FHL2: variants seen among roughly 807,000 people sequenced by gnomAD.
The protein encoded by FHL2 is four and a half LIM domains protein 2.
FHL2 carries 20 observed loss-of-function variants against 32.7 expected under a neutral mutation model. That is an observed-to-expected ratio of 0.61 (90% CI 0.43 to 0.89). The LOEUF is 0.89. Among genes scored for constraint, FHL2 ranks in the 40% least tolerant of loss-of-function variants. The pLI is 0.00. For missense variants in FHL2, 311 were observed against 358.6 expected (o/e 0.87, Z 1.07); for synonymous variants, 123 against 128.1 (o/e 0.96, Z 0.27).
intron 6 of FHL2, among the ~76,000 whole-genome samples, chr2:105,361,996 C>T (rs925609492): frequency 7.9e-5 from 12 of 152,124 alleles, no homozygotes; most frequent in Non-Finnish European, 4.4e-5. Context: ...TACATTGGTC[C>T]GTGATTATAA....
chr2:105,365,679 A>G (rs1680581188), intron 5 of FHL2, among the ~76,000 whole-genome samples: 2 of 151,718 alleles, frequency 1.3e-5, no homozygotes, highest in African/African-American at 4.8e-5. Flanking sequence ...TACTACAAAA[A>G]AAAAAAAAAA....
At chr2:105,364,868 C>A (rs1438012967) in intron 5 of FHL2, among the ~76,000 whole-genome samples, 2 of 152,160 alleles carry the variant, frequency 1.3e-5, no homozygotes, top group African/African-American at 4.8e-5. Flanking sequence ...AATGACGAAG[C>A]AGGAACTAGA....
At chr2:105,397,641 A>T (rs981512984) in intron 1 of FHL2, among the ~76,000 whole-genome samples, 4 of 152,206 alleles carry the variant, frequency 2.6e-5, no homozygotes, top group African/African-American at 9.6e-5. Flanking sequence ...CTTCATCGAC[A>T]TGTTATGGTG....
rs1192018449 is a variant in FHL2 at position 105,396,684 on chromosome 2, A to G, written c.-62T>C. ...ATGCCAGCCTAGTCTCCAGGAAGACACAGTTCTCAGCCACTAGAGAAAGCA... is the reference window on the plus strand; with the variant it reads ...ATGCCAGCCTAGTCTCCAGGAAGACGCAGTTCTCAGCCACTAGAGAAAGCA... On this transcript the variant is annotated 5_prime_UTR_variant, in exon 2 of 7. Transcript: ENST00000530340. The G allele has an allele frequency of 6.2e-7, 1 of 1,612,896 alleles. No homozygotes were observed. Among genetic ancestry groups the G allele is most frequent in the South Asian group, 1.1e-5 (1 of 91,066 alleles).
Position 105,373,633 on chromosome 2 carries a change from T to C in FHL2, c.257A>G (p.Gln86Arg). 1 of 1,614,232 alleles carries C rather than the reference T, an allele frequency of 6.2e-7. No individual in the cohort carries two copies. The highest frequency in any genetic ancestry group is 8.5e-7 in the Non-Finnish European group (1 of 1,180,034). Reference protein sequence around the residue: ...VDKPFAAKEDQLLCTDCYSNE... With the variant: ...VDKPFAAKEDRLLCTDCYSNE... ...GGAATAGCAGTCTGTACAGAGCAGC[T>C]GGTCCTCCTTGGCAGCAAAGGGCTT... The change falls in exon 4 of 7, where the codon CAG becomes CGG. Residue 86 changes from glutamine (Q) to arginine (R), a missense_variant. By Grantham distance (43) the Gln-to-Arg change is conservative. Transcript: ENST00000530340.
At chr2:105,402,928 G>C (rs1683519224), upstream of FHL2, among the ~76,000 whole-genome samples, 1 of 152,240 alleles carries the variant, frequency 6.6e-6, no homozygotes, top group Non-Finnish European at 1.5e-5. Context: ...GCGTAATGCT[G>C]TCTATGGCAG....
intron 1 of FHL2, among the ~76,000 whole-genome samples, chr2:105,425,182 C>A (rs1684221777): frequency 6.6e-6 from 1 of 152,216 alleles, no homozygotes; most frequent in Middle Eastern, 3.4e-3. Flanking sequence ...GCCTCAGCCA[C>A]TTTGACCCAA....
At chr2:105,393,529 C>T (rs1042476533) in intron 2 of FHL2, among the ~76,000 whole-genome samples, 6 of 152,274 alleles carry the variant, frequency 3.9e-5, no homozygotes, top group South Asian at 2.1e-4. Flanking sequence ...GCAATTGCCC[C>T]GTCTTCTACC....
intron 4 of FHL2, among the ~76,000 whole-genome samples, chr2:105,371,713 G>A (rs1681087027): frequency 6.6e-6 from 1 of 152,214 alleles, no homozygotes; most frequent in African/African-American, 2.4e-5. Context: ...CATGGTTGGT[G>A]CTAACAGTTA....
rs1681264291 is a variant in FHL2, at chr2:105,373,738, G to A, written c.157-5C>T. On this transcript the variant is annotated splice_region_variant and splice_polypyrimidine_tract_variant and intron_variant, in intron 3 of 6. Coordinates refer to ENST00000530340, the MANE Select transcript of FHL2 (RefSeq NM_001318895.3). ...CCGGTCCTTGTAAGACAAGTCCTGT[G>A]GGGCCAGACCACACAAGACAGTCAG... is the stretch of plus-strand genomic sequence containing the variant. The A allele has an allele frequency of 6.2e-7, 1 of 1,613,594 alleles. No homozygotes were observed. The highest frequency in any genetic ancestry group is 8.5e-7 in the Non-Finnish European group (1 of 1,180,010).
Position 105,361,446 on chromosome 2 carries a change from G to A in FHL2, c.689-12C>T. ...TGTGCCACCAAGTCCTGTTAACAGAGAGAAAATAATACCGGATGAAGAAAG... is the reference window on the plus strand; with the variant it reads ...TGTGCCACCAAGTCCTGTTAACAGAAAGAAAATAATACCGGATGAAGAAAG... On this transcript the variant is annotated splice_polypyrimidine_tract_variant and intron_variant, in intron 6 of 6. Transcript: ENST00000530340. 6.2e-7 allele frequency: 1 copy of A among 1,608,318 alleles called. No homozygotes were observed. Among genetic ancestry groups the A allele is most frequent in the Non-Finnish European group, 8.5e-7 (1 of 1,176,986 alleles).
upstream of FHL2, among the ~76,000 whole-genome samples, chr2:105,401,963 T>C (rs1683477770): frequency 6.6e-6 from 1 of 151,752 alleles, no homozygotes; most frequent in Admixed American, 6.6e-5. Context: ...TTGAGCTATG[T>C]TAATGTACTC....
At chr2:105,406,832 C>T (rs1683645798) in intron 1 of FHL2, among the ~76,000 whole-genome samples, 1 of 152,190 alleles carries the variant, frequency 6.6e-6, no homozygotes, top group South Asian at 2.1e-4. Context: ...AGCCTTTCAT[C>T]CTGTGACTGC....
chr2:105,417,387 G>GA (rs1015725262), intron 1 of FHL2, among the ~76,000 whole-genome samples: 75 of 126,976 alleles, frequency 5.9e-4, no homozygotes, highest in East Asian at 1.2e-3. Context: ...TCTCAAAAAA[G>GA]AAAAAAAAAA....
Position 105,407,464 on chromosome 2 carries a change from T to G in FHL2, c.-24-20924A>C, listed in dbSNP as rs545964770. ...ATAAGGCTGCTATATAATGGCTCTA[T>G]ATGACCCTGCTCAGAACAAACACAT... On this transcript the variant is annotated intron_variant, in intron 1 of 5. Coordinates refer to the FHL2 transcript ENST00000393352. Among the ~76,000 whole-genome samples, 7 of 151,140 alleles carry G rather than the reference T, an allele frequency of 4.6e-5. No homozygotes were observed. In the East Asian group the frequency reaches 1.4e-3, roughly 29 times the overall value.
At chr2:105,425,782 C>T (rs1161923602) in intron 1 of FHL2, among the ~76,000 whole-genome samples, 1 of 152,076 alleles carries the variant, frequency 6.6e-6, no homozygotes, top group Non-Finnish European at 1.5e-5. Context: ...GACATAGATT[C>T]TTTTGCTCAC....
rs1463841144 is a variant in FHL2, at chr2:105,367,557, G to T, written c.501+13C>A. 1.2e-6 allele frequency: 2 copies of T among 1,605,612 alleles called. No individual in the cohort carries two copies. The highest frequency in any genetic ancestry group is 1.7e-6 in the Non-Finnish European group (2 of 1,174,578). On this transcript the variant is annotated intron_variant, in intron 5 of 6. Transcript: ENST00000530340. Reference sequence around the variant, plus strand: ...GCCAGAACGTGCAAGGGCCAAGGGGGCATCTGAGATACCTTTTTGCACTGA... The same window carrying T: ...GCCAGAACGTGCAAGGGCCAAGGGGTCATCTGAGATACCTTTTTGCACTGA...
At chr2:105,436,987 T>G (rs933825378) in intron 1 of FHL2, among the ~76,000 whole-genome samples, 9 of 152,092 alleles carry the variant, frequency 5.9e-5, no homozygotes, top group Non-Finnish European at 1.2e-4. Context: ...GTGCTTTAGG[T>G]CATGGGAATG....
At chr2:105,408,325 C>G (rs1275965645) in intron 1 of FHL2, among the ~76,000 whole-genome samples, 1 of 152,228 alleles carries the variant, frequency 6.6e-6, no homozygotes, top group Admixed American at 6.5e-5. Flanking sequence ...TTGACTAATA[C>G]ATGCACACCT....
Sources: gnomAD v4.1 joint callset for allele counts (sites outside exome capture counted in the v4.1 genomes callset) on GRCh38, gnomAD v4.1.1 for gene constraint, MANE v1.5 for transcripts, NCBI Gene and HGNC (gene_info 2026-07-23, HGNC 2026-07-21) for gene names.